Variants in SLC35F3 observed in about 807,000 individuals in gnomAD.
SLC35F3 encodes solute carrier family 35 member F3, also known as putative thiamine transporter SLC35F3.
In SLC35F3, 25 loss-of-function variants were observed where a neutral mutation model predicts 49.9. The observed-to-expected ratio is 0.50, with a 90% CI of 0.37 to 0.70. The LOEUF is 0.70. Among genes scored for constraint, SLC35F3 ranks in the 30% least tolerant of loss-of-function variants. The probability of loss-of-function intolerance (pLI) is 0.00; values close to 1 mark genes in which losing one functional copy is unlikely to be tolerated. For missense variants in SLC35F3, 525 were observed against 639.8 expected, an observed-to-expected ratio of 0.82 and a Z score of 1.94; for synonymous variants, 275 against 265.4, an observed-to-expected ratio of 1.04 and a Z score of -0.35.
At chr1:233,938,338 T>C (rs912374405) in intron 2 of SLC35F3, among the ~76,000 whole-genome samples, 1 of 152,160 alleles carries the variant, frequency 6.6e-6, no homozygotes. Flanking sequence ...AGGAATCTGA[T>C]TGGCTGAACC....
At chr1:233,999,799 T>G (rs963608748) in intron 2 of SLC35F3, among the ~76,000 whole-genome samples, 1 of 152,160 alleles carries the variant, frequency 6.6e-6, no homozygotes, top group African/African-American at 2.4e-5. Context: ...CTTTCTAGAC[T>G]TTAACATTTG....
At chr1:233,979,637 T>C (rs1476800977) in intron 2 of SLC35F3, among the ~76,000 whole-genome samples, 4 of 152,144 alleles carry the variant, frequency 2.6e-5, no homozygotes, top group African/African-American at 7.2e-5. Context: ...TTAGGCTCCA[T>C]GCACTGTTTT....
chr1:234,214,545 G>T lies in SLC35F3; in HGVS notation c.284-16872G>T. ...GTGGCCCCGCTCAGCGCCTGCAACA[G>T]TCCGGTCCTGACCCTTACCAAAGTG... On this transcript the variant is annotated intron_variant, in intron 2 of 7. Transcript: ENST00000366618. This position sits in a 1 kb window ranked among gnomAD's most constrained non-coding sequence, Gnocchi z 8.0. 6.4e-7 allele frequency: 1 copy of T among 1,560,652 alleles called. No homozygotes were observed. The highest frequency in any genetic ancestry group is 8.7e-7 in the Non-Finnish European group (1 of 1,155,802).
chr1:234,320,863 G>T lies in SLC35F3; in HGVS notation c.1237+676G>T, dbSNP rs1323372401. The stretch of plus-strand genomic sequence containing the variant: ...CCTGGCTCGCACGGATAGGAATTTT[G>T]GATTTTCTTCCCAGAACCTCCTGGC... On this transcript the variant is annotated intron_variant, in intron 7 of 7. Transcript: ENST00000366618. The surrounding 1 kb of genome is among the most constrained non-coding windows in gnomAD (Gnocchi z 4.8). 6.6e-6 allele frequency among the ~76,000 whole-genome samples: 1 copy of T among 151,972 alleles called. No individual in the cohort carries two copies. Among genetic ancestry groups the T allele is most frequent in the Non-Finnish European group, 1.5e-5 (1 of 67,988 alleles).
At chr1:234,171,411 G>C (rs758645395) in intron 2 of SLC35F3, among the ~76,000 whole-genome samples, 5 of 152,158 alleles carry the variant, frequency 3.3e-5, no homozygotes, top group Non-Finnish European at 5.9e-5. Context: ...CAGTGGGGGC[G>C]ATGTGATCTG....
At chr1:234,212,394 A>G (rs1667057881) in intron 2 of SLC35F3, among the ~76,000 whole-genome samples, 1 of 152,242 alleles carries the variant, frequency 6.6e-6, no homozygotes, top group South Asian at 2.1e-4. Context: ...CTTGACACGT[A>G]TCTCTCAGCT....
intron 3 of SLC35F3, among the ~76,000 whole-genome samples, chr1:234,232,345 C>T (rs893537011): frequency 6.6e-6 from 1 of 151,478 alleles, no homozygotes; most frequent in Non-Finnish European, 1.5e-5. Flanking sequence ...GGCCAGAAAC[C>T]CTGACCTCAA....
intron 2 of SLC35F3, among the ~76,000 whole-genome samples, chr1:234,015,259 A>G (rs1663784186): frequency 6.6e-6 from 1 of 152,080 alleles, no homozygotes; most frequent in Non-Finnish European, 1.5e-5. Context: ...GAGACAGGAA[A>G]ATCACTTGAA....
At chr1:234,014,599 A>G (rs981923493) in intron 2 of SLC35F3, among the ~76,000 whole-genome samples, 1 of 152,242 alleles carries the variant, frequency 6.6e-6, no homozygotes, top group African/African-American at 2.4e-5. Context: ...CCACCCAAAA[A>G]CTGTTAGAAG....
At chr1:233,923,041 G>T (rs542176083) in intron 2 of SLC35F3, among the ~76,000 whole-genome samples, 1 of 152,282 alleles carries the variant, frequency 6.6e-6, no homozygotes, top group South Asian at 2.1e-4. Flanking sequence ...TGCTGTTTTG[G>T]TTACTGTAGC....
intron 2 of SLC35F3, among the ~76,000 whole-genome samples, chr1:234,060,107 G>A (rs976285925): frequency 2.0e-5 from 3 of 152,192 alleles, no homozygotes. Context: ...CATACTTAAT[G>A]TTATTTCAGT....
At chr1:234,092,158 G>A (rs916720225) in intron 2 of SLC35F3, among the ~76,000 whole-genome samples, 3 of 152,176 alleles carry the variant, frequency 2.0e-5, no homozygotes, top group Non-Finnish European at 2.9e-5. Context: ...GTTTCTCCTG[G>A]AGGTTTAAGT....
chr1:234,269,925 A>G (rs1312019693), intron 3 of SLC35F3, among the ~76,000 whole-genome samples: 1 of 152,138 alleles, frequency 6.6e-6, no homozygotes, highest in Non-Finnish European at 1.5e-5. Context: ...GCCTCCCCAG[A>G]AGCAGGTGCT....
At chr1:233,924,349 A>C (rs1012326198) in intron 2 of SLC35F3, among the ~76,000 whole-genome samples, 3 of 152,174 alleles carry the variant, frequency 2.0e-5, no homozygotes, top group Non-Finnish European at 2.9e-5. Flanking sequence ...TCAGGGATTC[A>C]ACTTCTTCCT....
chr1:234,036,169 C>T (rs112678923), intron 2 of SLC35F3, among the ~76,000 whole-genome samples: 47 of 152,268 alleles, frequency 3.1e-4, no homozygotes, highest in African/African-American at 1.1e-3. Context: ...CTCAAGCAAT[C>T]CTCCACCCTC....
chr1:234,112,129 C>T (rs1321184622), intron 2 of SLC35F3, among the ~76,000 whole-genome samples: 1 of 151,956 alleles, frequency 6.6e-6, no homozygotes, highest in Non-Finnish European at 1.5e-5. Context: ...TCACTTGAGC[C>T]CAGGAGTTCA....
intron 2 of SLC35F3, among the ~76,000 whole-genome samples, chr1:234,111,394 C>T (rs537878380): frequency 1.7e-4 from 26 of 152,246 alleles, no homozygotes; most frequent in African/African-American, 6.3e-4. Flanking sequence ...CAGGTCCAAG[C>T]GATTCTCCTG....
At chr1:233,925,413 T>C (rs1203181787) in intron 2 of SLC35F3, among the ~76,000 whole-genome samples, 1 of 152,352 alleles carries the variant, frequency 6.6e-6, no homozygotes, top group Non-Finnish European at 1.5e-5. Flanking sequence ...CTTTTGATCT[T>C]TGTTGGTTTA....
chr1:233,940,084 C>G (rs1662396359), intron 2 of SLC35F3, among the ~76,000 whole-genome samples: 1 of 152,160 alleles, frequency 6.6e-6, no homozygotes, highest in Non-Finnish European at 1.5e-5. Flanking sequence ...GGCATCCACA[C>G]TCAGTCACAT....
Sources: allele counts gnomAD v4.1 joint callset (sites outside exome capture counted in the v4.1 genomes callset), GRCh38; gene constraint gnomAD v4.1.1; non-coding constraint Gnocchi (gnomAD v3.1); transcripts MANE v1.5; gene names NCBI Gene and HGNC (gene_info 2026-07-23, HGNC 2026-07-21).